WDR41: variants seen among roughly 807,000 people sequenced by gnomAD.
WDR41 encodes the protein WD repeat-containing protein 41.
Under a neutral mutation model 69.3 loss-of-function variants are expected in WDR41, and 63 were observed. The observed-to-expected ratio is 0.91, with a 90% CI of 0.74 to 1.12. The LOEUF (loss-of-function observed/expected upper bound fraction) is 1.12, where lower values mean the gene tolerates loss of function less well. Ranked by LOEUF, WDR41 falls within the 50% of genes most tolerant of loss-of-function variation. The pLI is 0.00. For synonymous variants in WDR41, 185 were observed against 192.1 expected (o/e 0.96, Z 0.31); for missense variants, 543 against 534.5 (o/e 1.02, Z -0.16).
chr5:77,522,745 G>A (rs533262996), intron 1 of WDR41, among the ~76,000 whole-genome samples: 74 of 152,118 alleles, frequency 4.9e-4, no homozygotes, highest in African/African-American at 1.7e-3. Flanking sequence ...CTCCAAAGGG[G>A]GCAACTATAA....
chr5:77,450,285 A>C (rs1307639872), intron 7 of WDR41, among the ~76,000 whole-genome samples: 1 of 152,218 alleles, frequency 6.6e-6, no homozygotes, highest in African/African-American at 2.4e-5. Context: ...TAAGCTGCAA[A>C]TCCAAGTTTA....
intron 3 of WDR41, 96 bp from the exon 4 acceptor site, chr5:77,463,322 T>C (rs1800152912): frequency 1.8e-6 from 2 of 1,096,494 alleles, no homozygotes; most frequent in East Asian, 2.8e-5. Context: ...AGAAGATACA[T>C]ATACATTCCA....
intron 1 of WDR41, among the ~76,000 whole-genome samples, chr5:77,603,485 G>C (rs1257878654): frequency 2.0e-5 from 3 of 152,188 alleles, no homozygotes; most frequent in Non-Finnish European, 4.4e-5. Context: ...TTTCCTCTCA[G>C]ATGCATAGTT....
intron 1 of WDR41, among the ~76,000 whole-genome samples, chr5:77,604,756 G>T (rs1444540851): frequency 6.6e-6 from 1 of 152,006 alleles, no homozygotes; most frequent in East Asian, 1.9e-4. Flanking sequence ...ACCAATAGGG[G>T]ACTCAAGTGA....
intron 1 of WDR41, among the ~76,000 whole-genome samples, chr5:77,562,296 A>T (rs1743542349): frequency 6.6e-6 from 1 of 152,226 alleles, no homozygotes. Context: ...AGTTTTCTAC[A>T]TGTGAATGAC....
chr5:77,577,861 C>A (rs183742490), intron 1 of WDR41, among the ~76,000 whole-genome samples: 1 of 152,276 alleles, frequency 6.6e-6, no homozygotes, highest in Non-Finnish European at 1.5e-5. Flanking sequence ...ATTTAATATA[C>A]CTAACATCAT....
At chr5:77,618,186 G>A (rs1365079080) in intron 1 of WDR41, among the ~76,000 whole-genome samples, 1 of 152,188 alleles carries the variant, frequency 6.6e-6, no homozygotes, top group African/African-American at 2.4e-5. Flanking sequence ...GACATGTGAA[G>A]CAATGGAAAC....
chr5:77,435,620 T>C (rs994701196), intron 12 of WDR41, among the ~76,000 whole-genome samples: 9 of 152,234 alleles, frequency 5.9e-5, no homozygotes, highest in Admixed American at 2.6e-4. Flanking sequence ...AGAAATTCCT[T>C]AGGGCCCTGA....
chr5:77,472,586 C>T (rs1800676747), intron 2 of WDR41, among the ~76,000 whole-genome samples: 1 of 152,138 alleles, frequency 6.6e-6, no homozygotes, highest in Non-Finnish European at 1.5e-5. Flanking sequence ...TCTCAGGATA[C>T]AAAATCAATG....
At chr5:77,487,729 G>A (rs1430643744) in intron 2 of WDR41, among the ~76,000 whole-genome samples, 1 of 152,156 alleles carries the variant, frequency 6.6e-6, no homozygotes, top group East Asian at 1.9e-4. Flanking sequence ...GATAACATCA[G>A]GAAAGGGGCT....
chr5:77,465,330 T>C (rs1800257279), intron 2 of WDR41, among the ~76,000 whole-genome samples: 2 of 152,166 alleles, frequency 1.3e-5, no homozygotes, highest in African/African-American at 4.8e-5. Context: ...GGTTTTTTTG[T>C]TGCTTTTTAG....
intron 1 of WDR41, among the ~76,000 whole-genome samples, chr5:77,517,451 C>T (rs1486876323): frequency 1.3e-5 from 2 of 152,048 alleles, no homozygotes; most frequent in African/African-American, 2.4e-5. Flanking sequence ...TGTTTAAATG[C>T]CCCTGCTGCA....
chr5:77,568,831 C>T (rs893782380), intron 1 of WDR41, among the ~76,000 whole-genome samples: 8 of 152,172 alleles, frequency 5.3e-5, no homozygotes, highest in Non-Finnish European at 1.0e-4. Flanking sequence ...TGGCTTCCCA[C>T]ACCTAATCTG....
upstream of WDR41, chr5:77,492,333 C>T (rs1801844614): frequency 7.1e-7 from 1 of 1,416,058 alleles, no homozygotes; most frequent in Non-Finnish European, 9.6e-7. Flanking sequence ...CTAATACTTC[C>T]CGCCCCAGAT....
intron 1 of WDR41, among the ~76,000 whole-genome samples, chr5:77,596,745 C>T (rs1288638126): frequency 5.9e-5 from 9 of 152,172 alleles, no homozygotes; most frequent in Non-Finnish European, 2.9e-5. Flanking sequence ...TGAGCAGTTT[C>T]ATCTACCATT....
chr5:77,443,512 T>C (rs1280824192), intron 8 of WDR41, among the ~76,000 whole-genome samples: 2 of 152,184 alleles, frequency 1.3e-5, no homozygotes, highest in Admixed American at 1.3e-4. Flanking sequence ...ACAGACTCTA[T>C]AGAACTTGCT....
At chr5:77,561,180 A>C (rs1034066792) in intron 1 of WDR41, among the ~76,000 whole-genome samples, 3 of 152,212 alleles carry the variant, frequency 2.0e-5, no homozygotes, top group African/African-American at 7.2e-5. Context: ...CATCAAAAGT[A>C]GATCTAAGCT....
intron 2 of WDR41, among the ~76,000 whole-genome samples, chr5:77,469,324 C>CG (rs1355927096): frequency 6.6e-6 from 1 of 152,106 alleles, no homozygotes; most frequent in Non-Finnish European, 1.5e-5. Flanking sequence ...CACACCAACA[C>CG]GGCACATGTA....
At chr5:77,515,250 T>C (rs1315659107) in intron 1 of WDR41, among the ~76,000 whole-genome samples, 1 of 152,188 alleles carries the variant, frequency 6.6e-6, no homozygotes, top group Non-Finnish European at 1.5e-5. Context: ...GAGTTTTCTA[T>C]TTTTATTGTT....
Sources: gnomAD v4.1 joint callset for allele counts (sites outside exome capture counted in the v4.1 genomes callset) on GRCh38, gnomAD v4.1.1 for gene constraint, MANE v1.5 for transcripts, NCBI Gene and HGNC (gene_info 2026-07-23, HGNC 2026-07-21) for gene names.